Variants in SRC observed in about 807,000 individuals in gnomAD.
SRC encodes the protein proto-oncogene tyrosine-protein kinase Src.
SRC carries 13 observed loss-of-function variants against 62.9 expected under a neutral mutation model. The ratio of observed to expected loss-of-function variants is 0.21; its 90% confidence interval spans 0.13 to 0.33. SRC has a LOEUF of 0.33. SRC is among the 10% of genes least tolerant of loss of function. The pLI is 1.00. For missense variants in SRC, 457 were observed against 737.3 expected, an observed-to-expected ratio of 0.62 and a Z score of 4.40; for synonymous variants, 302 against 317.5, an observed-to-expected ratio of 0.95 and a Z score of 0.52.
chr20:37,356,546 C>T (rs2069884603), intron 1 of SRC, among the ~76,000 whole-genome samples: 1 of 151,924 alleles, frequency 6.6e-6, no homozygotes, highest in African/African-American at 2.4e-5. Flanking sequence ...GAGCTTCTGC[C>T]CCTGGGTCCT....
rs375690731 is a variant in SRC, at chr20:37,347,350, AAGGCACCG to A, written c.-247+1098_-247+1105del. Among the ~76,000 whole-genome samples the A allele has an allele frequency of 2.6e-3, 402 of 152,338 alleles. 3 individuals carry two copies. Among genetic ancestry groups the A allele is most frequent in the African/African-American group, 9.2e-3 (383 of 41,578 alleles). ...TTCTCAGCCCCCTGGCTGGGGGATC[AAGGCACCG>A]AGTCTTCTTGTCTCACCCAGTGACC... is the stretch of plus-strand genomic sequence containing the variant. On this transcript the variant is annotated intron_variant, in intron 1 of 13. Coordinates refer to ENST00000373578, the MANE Select transcript of SRC (RefSeq NM_198291.3).
chr20:37,385,816 C>T (rs1173222892), intron 4 of SRC, among the ~76,000 whole-genome samples: 2 of 152,224 alleles, frequency 1.3e-5, no homozygotes, highest in East Asian at 1.9e-4. Context: ...AAGCCAGCAC[C>T]CAGCACTGCC....
At chr20:37,373,349 T>C (rs1356981124) in intron 2 of SRC, among the ~76,000 whole-genome samples, 2 of 151,234 alleles carry the variant, frequency 1.3e-5, no homozygotes, top group African/African-American at 4.9e-5. Context: ...CACACACATA[T>C]GTACATATAT....
In SRC at chr20:37,403,139, G is replaced by T; in HGVS notation, c.1403-32G>T. The T allele has an allele frequency of 6.6e-7, 1 of 1,508,064 alleles. No homozygotes were observed. Among genetic ancestry groups the T allele is most frequent in the Admixed American group, 2.0e-5 (1 of 49,590 alleles). The allele number at this position is 1,508,064 out of a possible 1,614,324, so 93.4% of individuals were successfully genotyped here. A position where few individuals can be genotyped will look rare whatever the true frequency, so the allele number is the denominator to read the frequency against. On this transcript the variant is annotated intron_variant, in intron 13 of 13. Transcript: ENST00000373578. This position sits in a 1 kb window ranked among gnomAD's most constrained non-coding sequence, Gnocchi z 7.1. ...CCCCCACCCCACTTTCCTCACCGGA[G>T]CCGGGCTCCCCATGCCTCGCTCTGC...
chr20:37,386,210 G>T (rs368819491), intron 5 of SRC, 36 bp downstream of exon 5: 1 of 1,590,580 alleles, frequency 6.3e-7, no homozygotes, highest in African/African-American at 1.3e-5. Flanking sequence ...CTCAGGGCTG[G>T]GTGGTGGGAC....
chr20:37,386,514 G>T (rs865786307), intron 5 of SRC: 2 of 710,462 alleles, frequency 2.8e-6, no homozygotes, highest in African/African-American at 1.7e-5. Flanking sequence ...GCTGGGCGGG[G>T]TGCTTCGCGG....
intron 5 of SRC, among the ~76,000 whole-genome samples, chr20:37,386,686 C>T (rs1310043165): frequency 6.6e-6 from 1 of 152,204 alleles, no homozygotes; most frequent in Non-Finnish European, 1.5e-5. Flanking sequence ...CCATTGCACT[C>T]TCCTGCACAT....
chr20:37,384,670 AAG>A lies in SRC; in HGVS notation c.250+269_250+270del, dbSNP rs1568635076. ...TTCTAATTGGACGCTTAAGCCCAAGAAGAAGAAGGGCGGCGCGGGACCGGGCC... is the reference window on the plus strand; with the variant it reads ...TTCTAATTGGACGCTTAAGCCCAAGAAAGAAGGGCGGCGCGGGACCGGGCC... On this transcript the variant is annotated intron_variant, in intron 4 of 13. Transcript: ENST00000373578. The surrounding 1 kb of genome is among the most constrained non-coding windows in gnomAD (Gnocchi z 6.7). Among the ~76,000 whole-genome samples, 2 of 152 alleles carry A rather than the reference AAG, an allele frequency of 0.013. No homozygotes were observed. The highest frequency in any genetic ancestry group is 0.059 in the African/African-American group (2 of 34). 0.1% of individuals were successfully genotyped at this position (152 alleles called of 152,430 possible). A position where few individuals can be genotyped will look rare whatever the true frequency, so the allele number is the denominator to read the frequency against.
At chr20:37,375,954 T>G (rs1031405017) in intron 2 of SRC, among the ~76,000 whole-genome samples, 5 of 152,166 alleles carry the variant, frequency 3.3e-5, no homozygotes, top group African/African-American at 9.7e-5. Flanking sequence ...TTCCTCCTCT[T>G]CTCATAAGGG....
chr20:37,370,990 CTTT>C lies in SRC; in HGVS notation c.-173+5726_-173+5728del, dbSNP rs200689108. Among the ~76,000 whole-genome samples, 56 of 84,204 alleles carry C rather than the reference CTTT, an allele frequency of 6.7e-4. No individual in the cohort carries two copies. The East Asian group carries it at 0.013, about 20-fold the overall frequency. The allele number at this position is 84,204 out of a possible 152,430, so 55.2% of individuals were successfully genotyped here. On this transcript the variant is annotated intron_variant, in intron 2 of 13. Coordinates refer to ENST00000373578, the MANE Select transcript of SRC (RefSeq NM_198291.3). ...TCTTCTTCTTCTTCTTCTTCTTCTT[CTTT>C]TTTTTTTTTTTTGAGACGGAGTTTC...
In SRC at chr20:37,361,105, G is replaced by A. The variant is rs556092414; in HGVS notation, c.-246-4099G>A. ...AGGGTACACTGTAGTTCATGGTGGG[G>A]CAGTGAAAGGGGAGGTGGGTGGTGG... On this transcript the variant is annotated intron_variant, in intron 1 of 13. Transcript: ENST00000373578. Among the ~76,000 whole-genome samples the A allele has an allele frequency of 3.3e-5, 5 of 152,152 alleles. No individual in the cohort carries two copies. The East Asian group carries it at 9.7e-4, about 29-fold the overall frequency.
chr20:37,345,875 G>C (rs993497148), upstream of SRC, among the ~76,000 whole-genome samples: 1 of 152,160 alleles, frequency 6.6e-6, no homozygotes, highest in Non-Finnish European at 1.5e-5. Flanking sequence ...GCGGCGCCCT[G>C]GCGGAGTGGG....
intron 9 of SRC, among the ~76,000 whole-genome samples, chr20:37,399,338 G>C (rs890566079): frequency 1.3e-5 from 2 of 152,278 alleles, no homozygotes; most frequent in Admixed American, 1.3e-4. Context: ...GTGGGCTCCA[G>C]AGGTGACCTC....
At chr20:37,364,333 C>T (rs747952439) in intron 1 of SRC, among the ~76,000 whole-genome samples, 2 of 152,196 alleles carry the variant, frequency 1.3e-5, no homozygotes, top group Non-Finnish European at 2.9e-5. Flanking sequence ...TCAGAGCCCA[C>T]CACAGAGGGT....
chr20:37,405,809 G>A lies in SRC; in HGVS notation c.*2430G>A, dbSNP rs1233454532. On this transcript the variant is annotated 3_prime_UTR_variant, in exon 14 of 14. Transcript: ENST00000373578. ...TGTGCTCTTCGTGTGTTTCCTAGGA[G>A]TGCAGGGCAGGGGTGCTGGGTCGAT... The A allele has an allele frequency of 6.6e-6, 1 of 152,226 alleles. No homozygotes were observed. The highest frequency in any genetic ancestry group is 2.4e-5 in the African/African-American group (1 of 41,416). The allele number at this position is 152,226 out of a possible 1,614,324, so 9.4% of individuals were successfully genotyped here.
chr20:37,392,221 C>T (rs903307580), intron 5 of SRC, among the ~76,000 whole-genome samples: 48 of 152,314 alleles, frequency 3.2e-4, no homozygotes, highest in African/African-American at 1.1e-3. Flanking sequence ...ACCCCCTTGC[C>T]TCACTCCATC....
At chr20:37,352,122 T>C (rs534547853) in intron 1 of SRC, among the ~76,000 whole-genome samples, 1 of 152,316 alleles carries the variant, frequency 6.6e-6, no homozygotes, top group South Asian at 2.1e-4. Flanking sequence ...TTGTTTGCTG[T>C]GTATGATTGT....
At chr20:37,394,092 C>A in intron 6 of SRC, 82 bp from the exon 7 acceptor site, 2 of 1,550,172 alleles carry the variant, frequency 1.3e-6, no homozygotes, top group Non-Finnish European at 1.8e-6. Context: ...CTGTCCAGCG[C>A]CCCAGCCATA....
At position 37,371,075 on chromosome 20, in the gene SRC, G is replaced by A. The variant is rs139696937; in HGVS notation, c.-173+5798G>A. The stretch of plus-strand genomic sequence containing the variant: ...GCCATCTCGGCCCACCTCAACCTCC[G>A]CCTCTTGGGTTCAAGCAATTCTCCT... On this transcript the variant is annotated intron_variant, in intron 2 of 13. Coordinates refer to ENST00000373578, the MANE Select transcript of SRC (RefSeq NM_198291.3). Among the ~76,000 whole-genome samples, 642 of 147,378 alleles carry A rather than the reference G, an allele frequency of 4.4e-3. 6 individuals carry two copies. The highest frequency in any genetic ancestry group is 0.015 in the African/African-American group (604 of 39,768).
Sources: gnomAD v4.1 joint callset for allele counts (sites outside exome capture counted in the v4.1 genomes callset) on GRCh38, gnomAD v4.1.1 for gene constraint, Gnocchi (gnomAD v3.1) non-coding constraint, MANE v1.5 for transcripts, NCBI Gene and HGNC (gene_info 2026-07-23, HGNC 2026-07-21) for gene names.